The following INVS variants were observed in gnomAD, a reference collection of about 807,000 sequenced individuals.
The protein encoded by INVS is inversion of embryo turning homolog.
In INVS, 86 loss-of-function variants were observed where a neutral mutation model predicts 108.8. The observed-to-expected ratio is 0.79, with a 90% CI of 0.66 to 0.95. The LOEUF (loss-of-function observed/expected upper bound fraction) is 0.95. Among genes scored for constraint, INVS ranks in the 40% least tolerant of loss-of-function variants. The pLI, the probability that INVS is intolerant of heterozygous loss-of-function variation, is 0.00. For missense variants in INVS, 1,169 were observed against 1,297.4 expected, an observed-to-expected ratio of 0.90 and a Z score of 1.52; for synonymous variants, 455 against 473.5, an observed-to-expected ratio of 0.96 and a Z score of 0.51.
chr9:100,233,449 A>C (rs1452200387), intron 5 of INVS, among the ~76,000 whole-genome samples: 1 of 152,156 alleles, frequency 6.6e-6, no homozygotes, highest in East Asian at 1.9e-4. Flanking sequence ...GTCTTGTGCC[A>C]GTTTTAAAAG....
chr9:100,173,161 A>G (rs1829597557), intron 3 of INVS, among the ~76,000 whole-genome samples: 1 of 152,218 alleles, frequency 6.6e-6, no homozygotes, highest in African/African-American at 2.4e-5. Context: ...AGTAGCTCCT[A>G]TTGGATCAGC....
intron 3 of INVS, among the ~76,000 whole-genome samples, chr9:100,194,504 T>G (rs1380973184): frequency 1.5e-4 from 10 of 68,428 alleles, no homozygotes; most frequent in East Asian, 4.7e-4. Flanking sequence ...AAAATGAGGG[T>G]TTTTTTTTTC....
chr9:100,173,525 C>T (rs907112030), intron 3 of INVS, among the ~76,000 whole-genome samples: 9 of 152,060 alleles, frequency 5.9e-5, no homozygotes, highest in Middle Eastern at 3.4e-3. Context: ...GTAGGGAGTT[C>T]GAGACTAGCC....
chr9:100,123,729 T>C (rs191302977), intron 2 of INVS, among the ~76,000 whole-genome samples: 2 of 152,380 alleles, frequency 1.3e-5, no homozygotes, highest in Non-Finnish European at 2.9e-5. Context: ...ACCAGTAGTA[T>C]ATGAGGATTT....
intron 1 of INVS, 131 bp from the exon 2 acceptor site, chr9:100,104,367 G>C (rs1177483154): frequency 8.7e-6 from 6 of 686,826 alleles, no homozygotes; most frequent in Non-Finnish European, 1.6e-5. Flanking sequence ...ACCCAGCCAG[G>C]ACTATAGATT....
intron 3 of INVS, among the ~76,000 whole-genome samples, chr9:100,191,318 T>TA (rs1215683811): frequency 6.6e-6 from 1 of 152,200 alleles, no homozygotes; most frequent in Admixed American, 6.5e-5. Context: ...CACTAGTGAT[T>TA]CTTTGGTTTG....
chr9:100,177,625 G>A (rs568240297), intron 3 of INVS, among the ~76,000 whole-genome samples: 12 of 152,336 alleles, frequency 7.9e-5, no homozygotes, highest in Non-Finnish European at 1.8e-4. Context: ...AGAAGCCCCA[G>A]TCAGGGGCTT....
chr9:100,195,647 C>T (rs541616734), intron 3 of INVS, among the ~76,000 whole-genome samples: 2 of 152,264 alleles, frequency 1.3e-5, no homozygotes, highest in South Asian at 2.1e-4. Flanking sequence ...ACCACCACAC[C>T]TGGCTAATTT....
chr9:100,133,879 T>C (rs1828136171), intron 3 of INVS, among the ~76,000 whole-genome samples: 3 of 151,498 alleles, frequency 2.0e-5, no homozygotes, highest in African/African-American at 7.3e-5. Flanking sequence ...CTCTTTCTAC[T>C]AGAAGACATG....
intron 10 of INVS, among the ~76,000 whole-genome samples, chr9:100,259,927 A>G (rs1444302577): frequency 4.6e-5 from 7 of 151,882 alleles, no homozygotes; most frequent in Non-Finnish European, 1.0e-4. Flanking sequence ...GCTGGAGTGC[A>G]GTGGCACCAT....
At chr9:100,200,832 C>G (rs1237041284) in intron 3 of INVS, among the ~76,000 whole-genome samples, 2 of 152,134 alleles carry the variant, frequency 1.3e-5, no homozygotes, top group Admixed American at 1.3e-4. Context: ...CTCTTTTATT[C>G]CATCATTTTA....
intron 11 of INVS, among the ~76,000 whole-genome samples, chr9:100,268,337 C>T (rs1832854507): frequency 1.3e-5 from 2 of 152,120 alleles, no homozygotes; most frequent in Non-Finnish European, 2.9e-5. Flanking sequence ...ATCTTCAAAG[C>T]AAAATTAGGA....
At chr9:100,158,575 T>G (rs1829072914) in intron 3 of INVS, among the ~76,000 whole-genome samples, 1 of 152,226 alleles carries the variant, frequency 6.6e-6, no homozygotes, top group Non-Finnish European at 1.5e-5. Context: ...ACAAACTTCT[T>G]ACTTAGCTCA....
intron 10 of INVS, among the ~76,000 whole-genome samples, chr9:100,264,326 A>G (rs1832717682): frequency 6.6e-6 from 1 of 152,146 alleles, no homozygotes; most frequent in Admixed American, 6.6e-5. Flanking sequence ...CCCTTATCAC[A>G]GCCTTAATTG....
intron 3 of INVS, among the ~76,000 whole-genome samples, chr9:100,178,469 C>T (rs1414636412): frequency 6.6e-6 from 1 of 152,118 alleles, no homozygotes; most frequent in African/African-American, 2.4e-5. Flanking sequence ...TAAAAAAACA[C>T]AGCAGGAGAA....
intron 2 of INVS, chr9:100,117,665 G>C: frequency 1.7e-6 from 1 of 588,228 alleles, no homozygotes; most frequent in Non-Finnish European, 3.0e-6. Context: ...GTGTTTTCTC[G>C]GAGAAGAAGC....
chr9:100,283,878 G>C (rs1482090310), intron 12 of INVS, among the ~76,000 whole-genome samples: 1 of 152,028 alleles, frequency 6.6e-6, no homozygotes, highest in Admixed American at 6.6e-5. Context: ...GGTTTGATGG[G>C]CTTTTTTAAA....
rs771791121 is a variant in INVS, at chr9:100,229,751, T to C, written c.539T>C (p.Val180Ala). 3.1e-6 allele frequency: 5 copies of C among 1,614,016 alleles called. No individual in the cohort carries two copies. Among genetic ancestry groups the C allele is most frequent in the Non-Finnish European group, 4.2e-6 (5 of 1,179,984 alleles). ...GATTCTAACATTGGGATTCCTGATG[T>C]TGAAGGCAAGATCCCACTTCACTGG... ...KHDSNIGIPDVEGKIPLHWAA... is the reference protein window; with the variant it reads ...KHDSNIGIPDAEGKIPLHWAA... The change falls in exon 5 of 17, where the codon GTT becomes GCT. Residue 180 changes from valine (V) to alanine (A), a missense_variant. Around this residue, in one of 3 missense-constraint regions of INVS, gnomAD observed 365 missense variants for 397.5 expected, o/e 0.92. Coordinates refer to ENST00000262457, the MANE Select transcript of INVS (RefSeq NM_014425.5).
At chr9:100,212,256 T>C (rs965479112) in intron 3 of INVS, among the ~76,000 whole-genome samples, 4 of 152,220 alleles carry the variant, frequency 2.6e-5, no homozygotes, top group Non-Finnish European at 5.9e-5. Flanking sequence ...ATGGCACTGG[T>C]AGCTAACTCA....
Sources: gnomAD v4.1 joint callset for allele counts (sites outside exome capture counted in the v4.1 genomes callset) on GRCh38, gnomAD v4.1.1 for gene constraint, gnomAD v4.1.1 regional missense constraint, MANE v1.5 for transcripts, NCBI Gene and HGNC (gene_info 2026-07-23, HGNC 2026-07-21) for gene names.